Variants in ONECUT2 observed in about 807,000 individuals in gnomAD.
ONECUT2 encodes one cut homeobox 2.
Under a neutral mutation model 27.9 loss-of-function variants are expected in ONECUT2, and 10 were observed. The observed-to-expected ratio is 0.36, with a 90% confidence interval of 0.22 to 0.61. ONECUT2 has a LOEUF of 0.61. ONECUT2 is among the 20% of genes least tolerant of loss of function. The probability of loss-of-function intolerance (pLI) is 0.73; values close to 1 mark genes in which losing one functional copy is unlikely to be tolerated. For synonymous variants in ONECUT2, 334 were observed against 315.1 expected, an observed-to-expected ratio of 1.06 and a Z score of -0.64; for missense variants, 686 against 721.0, an observed-to-expected ratio of 0.95 and a Z score of 0.56.
chr18:57,453,770 A>T (rs1044777287), intron 1 of ONECUT2, among the ~76,000 whole-genome samples: 8 of 152,234 alleles, frequency 5.3e-5, no homozygotes, highest in Non-Finnish European at 1.0e-4. Flanking sequence ...CTGCATGGCC[A>T]AAGGGGTAGA....
At chr18:57,466,967 T>C (rs931268775) in intron 1 of ONECUT2, among the ~76,000 whole-genome samples, 15 of 152,340 alleles carry the variant, frequency 9.8e-5, no homozygotes, top group Non-Finnish European at 2.1e-4. Context: ...AGGCAGCACC[T>C]GCGGGCAGCT....
chr18:57,442,508 T>A (rs1021284885), intron 1 of ONECUT2, among the ~76,000 whole-genome samples: 2 of 152,176 alleles, frequency 1.3e-5, no homozygotes, highest in Non-Finnish European at 2.9e-5. Context: ...TACACCACCT[T>A]GGTTCCTAGT....
At chr18:57,457,582 G>C (rs1182378849) in intron 1 of ONECUT2, among the ~76,000 whole-genome samples, 2 of 152,162 alleles carry the variant, frequency 1.3e-5, no homozygotes, top group African/African-American at 2.4e-5. Context: ...CCAAAGGTCA[G>C]TTGTGTTTGC....
chr18:57,436,049 C>T lies in ONECUT2; in HGVS notation c.333C>T (p.Ala111=), dbSNP rs1401960983. The change falls in exon 1 of 2, where the codon GCC becomes GCT. Residue 111 remains alanine, a synonymous_variant. Transcript: ENST00000491143. The surrounding 1 kb of genome is among the most constrained non-coding windows in gnomAD (Gnocchi z 5.9). ...ASRSAMVTSM[A]SILDGGDYRP... is the part of the protein sequence containing the mutation. ...GCTCGGCCATGGTCACCAGCATGGCCTCGATCCTGGACGGCGGCGACTACC... is the reference window on the plus strand; with the variant it reads ...GCTCGGCCATGGTCACCAGCATGGCTTCGATCCTGGACGGCGGCGACTACC... The T allele has an allele frequency of 6.3e-7, 1 of 1,588,972 alleles. No individual in the cohort carries two copies. Among genetic ancestry groups the T allele is most frequent in the East Asian group, 2.2e-5 (1 of 44,602 alleles).
At chr18:57,471,296 G>A (rs2050352195) in intron 1 of ONECUT2, among the ~76,000 whole-genome samples, 1 of 152,202 alleles carries the variant, frequency 6.6e-6, no homozygotes, top group South Asian at 2.1e-4. Context: ...AGAACGCCCA[G>A]GAGCAGCCAC....
chr18:57,441,051 G>A (rs2050171495), intron 1 of ONECUT2, among the ~76,000 whole-genome samples: 1 of 152,218 alleles, frequency 6.6e-6, no homozygotes, highest in South Asian at 2.1e-4. Context: ...GGCAGAGGAG[G>A]CGGGACCCGA....
intron 1 of ONECUT2, among the ~76,000 whole-genome samples, chr18:57,442,345 G>A (rs1304462666): frequency 6.6e-6 from 1 of 150,752 alleles, no homozygotes; most frequent in Non-Finnish European, 1.5e-5. Flanking sequence ...GTGTTTTCCA[G>A]CCCTCTCCAA....
At chr18:57,474,782 A>G (rs1005825117) in intron 1 of ONECUT2, among the ~76,000 whole-genome samples, 6 of 152,190 alleles carry the variant, frequency 3.9e-5, no homozygotes, top group South Asian at 2.1e-4. Flanking sequence ...TTGAACAGGA[A>G]ATGCAGTGCC....
intron 1 of ONECUT2, among the ~76,000 whole-genome samples, chr18:57,469,455 C>CAATACCCATCATATGTAGATGATATT (rs2050341744): frequency 2.6e-5 from 4 of 152,172 alleles, no homozygotes; most frequent in Admixed American, 2.6e-4. Flanking sequence ...TAGGGGCTAA[C>CAATACCCATCATATGTAGATGATATT]AATACCCATC....
At chr18:57,449,913 T>G in intron 1 of ONECUT2, among the ~76,000 whole-genome samples, 1 of 152,228 alleles carries the variant, frequency 6.6e-6, no homozygotes, top group East Asian at 1.9e-4. Context: ...TTGGCTCTGG[T>G]CTTACACTGC....
chr18:57,475,159 C>A (rs763861961), intron 1 of ONECUT2, among the ~76,000 whole-genome samples: 19 of 149,182 alleles, frequency 1.3e-4, no homozygotes, highest in African/African-American at 4.5e-4. Context: ...TGGGTTCAAG[C>A]GATTCTCCTG....
Position 57,488,421 on chromosome 18 carries a change from T to C in ONECUT2, c.*11698T>C, listed in dbSNP as rs1171336090. On this transcript the variant is annotated 3_prime_UTR_variant, in exon 2 of 2. Coordinates refer to ENST00000491143, the MANE Select transcript of ONECUT2 (RefSeq NM_004852.3). The stretch of plus-strand genomic sequence containing the variant: ...CTACAAAGTTCAAATCCATTTTTGA[T>C]CCAAAGAAAGTAGAGGAGTATTTGA... 6.6e-6 allele frequency: 1 copy of C among 152,610 alleles called. No individual in the cohort carries two copies. The highest frequency in any genetic ancestry group is 2.4e-5 in the African/African-American group (1 of 41,432). 9.5% of individuals were successfully genotyped at this position (152,610 alleles called of 1,614,324 possible).
At chr18:57,469,605 G>A (rs941665179) in intron 1 of ONECUT2, among the ~76,000 whole-genome samples, 10 of 152,194 alleles carry the variant, frequency 6.6e-5, no homozygotes. Flanking sequence ...TATGAGGCTG[G>A]GAATTGGCTA....
At chr18:57,439,102 A>G (rs2144288423) in intron 1 of ONECUT2, among the ~76,000 whole-genome samples, 1 of 152,336 alleles carries the variant, frequency 6.6e-6, no homozygotes, top group East Asian at 1.9e-4. Flanking sequence ...CTTTTAAAAA[A>G]CACGTGCCTT....
At chr18:57,443,114 G>A (rs2050184751) in intron 1 of ONECUT2, among the ~76,000 whole-genome samples, 2 of 152,240 alleles carry the variant, frequency 1.3e-5, no homozygotes, top group East Asian at 1.9e-4. Flanking sequence ...CTAGTGGCTG[G>A]ATTTGGCAGA....
intron 1 of ONECUT2, among the ~76,000 whole-genome samples, chr18:57,453,958 A>G (rs1044744793): frequency 1.3e-5 from 2 of 152,114 alleles, no homozygotes; most frequent in African/African-American, 4.8e-5. Flanking sequence ...TGAGACAGCC[A>G]TTCCATTAAA....
At chr18:57,439,686 C>T (rs1361076723) in intron 1 of ONECUT2, among the ~76,000 whole-genome samples, 1 of 152,186 alleles carries the variant, frequency 6.6e-6, no homozygotes, top group Non-Finnish European at 1.5e-5. Context: ...GCCGGTACGC[C>T]GCAGAGGGCC....
intron 1 of ONECUT2, among the ~76,000 whole-genome samples, chr18:57,475,495 A>G (rs1420630464): frequency 6.6e-6 from 1 of 152,182 alleles, no homozygotes; most frequent in Non-Finnish European, 1.5e-5. Flanking sequence ...TCAAGAAGCC[A>G]TTTGTCCTCA....
intron 1 of ONECUT2, among the ~76,000 whole-genome samples, chr18:57,476,219 C>G (rs538579595): frequency 1.3e-5 from 2 of 152,350 alleles, no homozygotes; most frequent in South Asian, 4.1e-4. Context: ...CTGTGTGAAA[C>G]AGCCCTGCTG....
Sources: gnomAD v4.1 joint callset for allele counts (sites outside exome capture counted in the v4.1 genomes callset) on GRCh38, gnomAD v4.1.1 for gene constraint, Gnocchi (gnomAD v3.1) non-coding constraint, MANE v1.5 for transcripts, NCBI Gene and HGNC (gene_info 2026-07-23, HGNC 2026-07-21) for gene names.